ZNF385D: variants seen among roughly 807,000 people sequenced by gnomAD.
The protein encoded by ZNF385D is zinc finger protein 659.
Under a neutral mutation model 35.8 loss-of-function variants are expected in ZNF385D, and 15 were observed. That is an observed-to-expected ratio of 0.42 (90% CI 0.28 to 0.64). The LOEUF is 0.64. Among genes scored for constraint, ZNF385D ranks in the 30% least tolerant of loss-of-function variants. The pLI is 0.23. For synonymous variants in ZNF385D, 212 were observed against 186.8 expected (o/e 1.13, Z -1.10); for missense variants, 474 against 494.6 (o/e 0.96, Z 0.39).
chr3:22,270,609 G>A (rs1002460069), intron 2 of ZNF385D, among the ~76,000 whole-genome samples: 2 of 151,830 alleles, frequency 1.3e-5, no homozygotes, highest in Non-Finnish European at 2.9e-5. Flanking sequence ...ACATTCTGTT[G>A]CTATGTTGTA....
intron 3 of ZNF385D, among the ~76,000 whole-genome samples, chr3:22,005,015 G>C (rs1255418267): frequency 1.8e-5 from 2 of 112,980 alleles, no homozygotes; most frequent in African/African-American, 3.4e-5. Context: ...ACCTGCCTTA[G>C]ATATTTGGGG....
At chr3:21,688,008 C>A (rs759441025) in intron 1 of ZNF385D, among the ~76,000 whole-genome samples, 2 of 152,030 alleles carry the variant, frequency 1.3e-5, no homozygotes, top group Non-Finnish European at 2.9e-5. Flanking sequence ...GATCCTGCTA[C>A]CTTAGCCTCC....
intron 2 of ZNF385D, among the ~76,000 whole-genome samples, chr3:22,264,106 C>T (rs1700772837): frequency 6.6e-6 from 1 of 151,838 alleles, no homozygotes; most frequent in Non-Finnish European, 1.5e-5. Flanking sequence ...AGACAGACTC[C>T]AAGGGGCATA....
chr3:22,294,491 T>C (rs1199755814), intron 2 of ZNF385D, among the ~76,000 whole-genome samples: 4 of 152,132 alleles, frequency 2.6e-5, no homozygotes, highest in Non-Finnish European at 5.9e-5. Flanking sequence ...GTATTATATA[T>C]CAGTATGTAT....
intron 3 of ZNF385D, among the ~76,000 whole-genome samples, chr3:22,114,332 AAACAGTCTGTAT>A (rs1702700679): frequency 6.6e-6 from 1 of 152,148 alleles, no homozygotes; most frequent in Non-Finnish European, 1.5e-5. Flanking sequence ...GAAAACTGAT[AAACAGTCTGTAT>A]TTGGTAACCT....
At chr3:21,680,016 T>C (rs1428030075) in intron 1 of ZNF385D, among the ~76,000 whole-genome samples, 6 of 152,126 alleles carry the variant, frequency 3.9e-5, no homozygotes, top group African/African-American at 1.2e-4. Context: ...CAAAATATGA[T>C]AGCTGACTTG....
At chr3:22,014,922 A>G (rs1419736489) in intron 3 of ZNF385D, among the ~76,000 whole-genome samples, 2 of 152,186 alleles carry the variant, frequency 1.3e-5, no homozygotes, top group Non-Finnish European at 2.9e-5. Context: ...AACTGATTAC[A>G]GTTTAAGGCA....
At chr3:21,564,495 A>C in intron 3 of ZNF385D, 79 bp downstream of exon 3, 1 of 855,516 alleles carries the variant, frequency 1.2e-6, no homozygotes, top group South Asian at 2.4e-5. Flanking sequence ...AAAATGTCTT[A>C]AGAAATCTTT....
intron 2 of ZNF385D, among the ~76,000 whole-genome samples, chr3:22,254,996 C>G (rs1375693453): frequency 6.6e-6 from 1 of 151,812 alleles, no homozygotes; most frequent in African/African-American, 2.4e-5. Flanking sequence ...GGATGGCACA[C>G]GATTTCATCA....
At chr3:21,570,258 G>C (rs560313845) in intron 2 of ZNF385D, among the ~76,000 whole-genome samples, 2 of 152,238 alleles carry the variant, frequency 1.3e-5, no homozygotes, top group African/African-American at 4.8e-5. Flanking sequence ...TCAGACTGAA[G>C]AACCTTTGCA....
At chr3:21,478,617 A>AT (rs1320218656) in intron 4 of ZNF385D, among the ~76,000 whole-genome samples, 2 of 152,160 alleles carry the variant, frequency 1.3e-5, no homozygotes, top group East Asian at 1.9e-4. Flanking sequence ...TGTATCAAAT[A>AT]TTTTCTAGTC....
intron 2 of ZNF385D, among the ~76,000 whole-genome samples, chr3:22,196,685 C>T (rs895896023): frequency 1.3e-5 from 2 of 151,980 alleles, no homozygotes; most frequent in African/African-American, 4.8e-5. Flanking sequence ...TTTGATTTTG[C>T]TCATGTTTCA....
At chr3:22,048,291 T>C (rs1699130456) in intron 3 of ZNF385D, among the ~76,000 whole-genome samples, 2 of 152,136 alleles carry the variant, frequency 1.3e-5, no homozygotes, top group African/African-American at 4.8e-5. Flanking sequence ...TTTCCTTTTG[T>C]TCCCTGTGCC....
At chr3:22,116,459 G>A (rs930548511) in intron 3 of ZNF385D, among the ~76,000 whole-genome samples, 3 of 151,970 alleles carry the variant, frequency 2.0e-5, no homozygotes, top group Non-Finnish European at 4.4e-5. Context: ...CTAAAGGAAA[G>A]AAGGAATTTA....
At chr3:21,605,191 T>A (rs573295608) in intron 2 of ZNF385D, among the ~76,000 whole-genome samples, 2 of 152,226 alleles carry the variant, frequency 1.3e-5, no homozygotes, top group East Asian at 3.9e-4. Context: ...TGTGTGGGAC[T>A]TGGGGATATT....
At chr3:22,067,711 T>G (rs1700025491) in intron 3 of ZNF385D, among the ~76,000 whole-genome samples, 1 of 152,196 alleles carries the variant, frequency 6.6e-6, no homozygotes, top group Non-Finnish European at 1.5e-5. Flanking sequence ...AAGCAATTAT[T>G]CTACAACTAT....
intron 2 of ZNF385D, among the ~76,000 whole-genome samples, chr3:22,217,308 C>T (rs1247516402): frequency 2.0e-5 from 3 of 152,080 alleles, no homozygotes; most frequent in Admixed American, 1.3e-4. Flanking sequence ...ACATGGGTGC[C>T]CCATCATGCG....
At chr3:21,969,077 A>G (rs971632575) in intron 3 of ZNF385D, among the ~76,000 whole-genome samples, 1 of 152,152 alleles carries the variant, frequency 6.6e-6, no homozygotes, top group African/African-American at 2.4e-5. Context: ...AACAGCCAGC[A>G]GTAATCTCCA....
At chr3:21,892,140 A>G (rs1206870179) in intron 3 of ZNF385D, among the ~76,000 whole-genome samples, 2 of 152,226 alleles carry the variant, frequency 1.3e-5, no homozygotes, top group African/African-American at 4.8e-5. Context: ...GAATGAAAAT[A>G]TCACTACAAG....
Sources: allele counts gnomAD v4.1 joint callset (sites outside exome capture counted in the v4.1 genomes callset), GRCh38; gene constraint gnomAD v4.1.1; transcripts MANE v1.5; gene names NCBI Gene and HGNC (gene_info 2026-07-23, HGNC 2026-07-21).